Variants in ANKRD45 observed in about 807,000 individuals in gnomAD.
ANKRD45 encodes ankyrin repeat domain 45, also known as ankyrin repeat domain-containing protein 45.
A neutral mutation model predicts 28.1 loss-of-function variants in ANKRD45; 21 were observed. The ratio of observed to expected loss-of-function variants is 0.75; its 90% CI spans 0.53 to 1.08. ANKRD45 has a LOEUF of 1.08. ANKRD45 is among the 50% of genes least tolerant of loss of function. The pLI is 0.00. For missense variants in ANKRD45, 261 were observed against 308.7 expected (o/e 0.85, Z 1.16); for synonymous variants, 86 against 103.9 (o/e 0.83, Z 1.05).
intron 3 of ANKRD45, among the ~76,000 whole-genome samples, chr1:173,631,291 T>A (rs1472292633): frequency 6.6e-5 from 10 of 152,114 alleles, no homozygotes; most frequent in Non-Finnish European, 1.2e-4. Flanking sequence ...GGAATATACA[T>A]GCACCCAACG....
chr1:173,659,847 G>A (rs1349397203), intron 1 of ANKRD45, among the ~76,000 whole-genome samples: 4 of 152,078 alleles, frequency 2.6e-5, no homozygotes, highest in Non-Finnish European at 4.4e-5. Flanking sequence ...ATTAGGCAAC[G>A]ACATTTAAAC....
At chr1:173,635,777 G>A (rs1668407535) in intron 3 of ANKRD45, 2 of 1,535,248 alleles carry the variant, frequency 1.3e-6, no homozygotes, top group South Asian at 1.2e-5. Flanking sequence ...ATTACAAGCT[G>A]TCTTCTTCGT....
the ANKRD45 span, among the ~76,000 whole-genome samples, chr1:173,697,192 G>C: frequency 6.6e-6 from 1 of 152,292 alleles, no homozygotes; most frequent in South Asian, 2.1e-4. Flanking sequence ...ACATTTGATT[G>C]GTGTACCTGA....
At chr1:173,689,342 G>A in the ANKRD45 span, among the ~76,000 whole-genome samples, 3 of 152,086 alleles carry the variant, frequency 2.0e-5, no homozygotes, top group African/African-American at 7.2e-5. Context: ...TATAGTTTCT[G>A]GCTCCCTGGA....
the ANKRD45 span, among the ~76,000 whole-genome samples, chr1:173,706,334 T>C: frequency 1.3e-5 from 2 of 151,268 alleles, no homozygotes; most frequent in Non-Finnish European, 3.0e-5. Context: ...CTCCTTGTTT[T>C]GTTTTGCTTT....
intron 2 of ANKRD45, among the ~76,000 whole-genome samples, chr1:173,655,208 C>G (rs191747302): frequency 6.6e-5 from 10 of 152,022 alleles, no homozygotes; most frequent in African/African-American, 2.2e-4. Context: ...CTTTTCTGCT[C>G]GGTTTCTCCC....
intron 5 of ANKRD45, among the ~76,000 whole-genome samples, chr1:173,611,382 T>C (rs773807878): frequency 4.0e-4 from 61 of 152,312 alleles, no homozygotes; most frequent in South Asian, 1.2e-3. Context: ...GCTATGTGTG[T>C]GCTCAACAGA....
intron 4 of ANKRD45, among the ~76,000 whole-genome samples, chr1:173,626,273 CA>C (rs1558122900): frequency 6.6e-6 from 1 of 152,004 alleles, no homozygotes; most frequent in Non-Finnish European, 1.5e-5. Flanking sequence ...AATTTAAAAC[CA>C]AAACACATTT....
chr1:173,625,976 A>G (rs989051601), intron 4 of ANKRD45, among the ~76,000 whole-genome samples: 3 of 152,176 alleles, frequency 2.0e-5, no homozygotes, highest in African/African-American at 7.2e-5. Flanking sequence ...AAATTAAATT[A>G]AGAATGTTCT....
At chr1:173,688,202 G>C in the ANKRD45 span, among the ~76,000 whole-genome samples, 1 of 152,202 alleles carries the variant, frequency 6.6e-6, no homozygotes, top group Non-Finnish European at 1.5e-5. Flanking sequence ...CAGGGTCACA[G>C]AGAAGACCTT....
intron 5 of ANKRD45, among the ~76,000 whole-genome samples, chr1:173,613,585 C>T (rs1667315975): frequency 1.4e-5 from 2 of 147,380 alleles, no homozygotes; most frequent in African/African-American, 5.1e-5. Context: ...CCAGCCGCCC[C>T]GTCCGGGAGG....
At chr1:173,670,793 A>T (rs1670223797), upstream of ANKRD45, among the ~76,000 whole-genome samples, 1 of 152,250 alleles carries the variant, frequency 6.6e-6, no homozygotes. Flanking sequence ...GATAGAAAAC[A>T]TCTGAAACTG....
chr1:173,656,109 A>C (rs998459045), intron 2 of ANKRD45, among the ~76,000 whole-genome samples: 1 of 152,164 alleles, frequency 6.6e-6, no homozygotes, highest in African/African-American at 2.4e-5. Flanking sequence ...CACGGGCTGC[A>C]CCCAATGTCC....
chr1:173,638,789 A>C (rs1668575286), intron 3 of ANKRD45, among the ~76,000 whole-genome samples: 2 of 152,054 alleles, frequency 1.3e-5, no homozygotes, highest in South Asian at 4.1e-4. Context: ...AAGATGATTT[A>C]CCCTTGACTA....
At chr1:173,618,381 G>C (rs1242778061) in intron 5 of ANKRD45, among the ~76,000 whole-genome samples, 1 of 152,156 alleles carries the variant, frequency 6.6e-6, no homozygotes, top group Non-Finnish European at 1.5e-5. Context: ...ATGCAAAGAA[G>C]CTAAGAATCA....
At chr1:173,674,786 G>T (rs1037400923), upstream of ANKRD45, among the ~76,000 whole-genome samples, 1 of 152,206 alleles carries the variant, frequency 6.6e-6, no homozygotes, top group African/African-American at 2.4e-5. Context: ...GCCCTAAGCA[G>T]TTCCCAGCTT....
At position 173,633,463 on chromosome 1, in the gene ANKRD45, C is replaced by T. The variant is rs564932852; in HGVS notation, c.497-6304G>A. On this transcript the variant is annotated intron_variant, in intron 3 of 5. Coordinates refer to ENST00000333279, the MANE Select transcript of ANKRD45 (RefSeq NM_198493.3). ...CAATGCATTGGTATCAAAATACCAA[C>T]GACATGCTTCACAGAAATAGAAAAA... is the stretch of plus-strand genomic sequence containing the variant. Among the ~76,000 whole-genome samples the T allele has an allele frequency of 6.6e-5, 10 of 151,488 alleles. No individual in the cohort carries two copies. The South Asian group carries it at 1.0e-3, about 16-fold the overall frequency.
At position 173,624,895 on chromosome 1, in the gene ANKRD45, T is replaced by G. The variant is rs1262349590; in HGVS notation, c.622A>C (p.Asn208His). ...NTILSACRAK[N>H]EWLETHTEAS... ...TCTGTATGGGTTTCCAACCACTCAT[T>G]TTTTGCACGGCATGCACTGAGGATG... The change falls in exon 5 of 6, where the codon AAT (asparagine) becomes CAT (histidine). Residue 208 changes from asparagine to histidine, a missense_variant. Coordinates refer to ENST00000333279, the MANE Select transcript of ANKRD45 (RefSeq NM_198493.3). 1 of 1,613,820 alleles carries G rather than the reference T, an allele frequency of 6.2e-7. No individual in the cohort carries two copies. Among genetic ancestry groups the G allele is most frequent in the Non-Finnish European group, 8.5e-7 (1 of 1,179,828 alleles).
chr1:173,674,935 G>A, the ANKRD45 span, among the ~76,000 whole-genome samples: 1 of 152,070 alleles, frequency 6.6e-6, no homozygotes, highest in Non-Finnish European at 1.5e-5. Context: ...ATCTCTTATG[G>A]CTAGGATGGT....
Sources: allele counts gnomAD v4.1 joint callset (sites outside exome capture counted in the v4.1 genomes callset), GRCh38; gene constraint gnomAD v4.1.1; transcripts MANE v1.5; gene names NCBI Gene and HGNC (gene_info 2026-07-23, HGNC 2026-07-21).